The following XDH variants were observed in gnomAD, a reference collection of about 807,000 sequenced individuals.
XDH encodes the protein xanthine dehydrogenase/oxidase.
XDH carries 138 observed loss-of-function variants against 156.1 expected under a neutral mutation model. That is an observed-to-expected ratio of 0.88 (90% CI 0.77 to 1.02). The LOEUF is 1.02. Ranked by LOEUF, XDH falls within the 50% of genes least tolerant of loss-of-function variation. The pLI is 0.00. For missense variants in XDH, 1,849 were observed against 1,684.9 expected (o/e 1.10, Z -1.71); for synonymous variants, 669 against 625.7 (o/e 1.07, Z -1.03).
intron 29 of XDH, among the ~76,000 whole-genome samples, chr2:31,347,070 C>T (rs1394412095): frequency 6.6e-6 from 1 of 152,168 alleles, no homozygotes; most frequent in Non-Finnish European, 1.5e-5. Flanking sequence ...CTTCCTGACT[C>T]AATTCTTAGG....
chr2:31,401,897 C>T (rs903098345), intron 3 of XDH, among the ~76,000 whole-genome samples: 3 of 152,192 alleles, frequency 2.0e-5, no homozygotes. Flanking sequence ...TTATTGAGTG[C>T]CAGACATAAG....
chr2:31,377,193 A>G lies in XDH; in HGVS notation c.1287T>C (p.Asp429=). ...TGCCACTGGTTACCTTGGCAATGTC[A>G]TCTTCTCTCCGGGAGGCCTGCTTGA... ...SAFKQASRRE[D]DIAKVTSGMR... is the part of the protein sequence containing the mutation. Residue 429 remains aspartate, a synonymous_variant, in exon 14 of 36, where the codon GAT becomes GAC. Coordinates refer to ENST00000379416, the MANE Select transcript of XDH (RefSeq NM_000379.4). 1.2e-6 allele frequency: 2 copies of G among 1,614,130 alleles called. No individual in the cohort carries two copies. The highest frequency in any genetic ancestry group is 1.7e-6 in the Non-Finnish European group (2 of 1,180,026).
At chr2:31,392,427 A>G (rs965344037) in intron 6 of XDH, among the ~76,000 whole-genome samples, 43 of 149,998 alleles carry the variant, frequency 2.9e-4, no homozygotes, top group Non-Finnish European at 1.3e-4. Flanking sequence ...TTATTTATTT[A>G]TTTATTTATT....
chr2:31,354,615 A>G (rs1685577467), intron 24 of XDH, among the ~76,000 whole-genome samples: 1 of 152,242 alleles, frequency 6.6e-6, no homozygotes. Flanking sequence ...TGGGCCTTTC[A>G]GAATTGAAAA....
At chr2:31,370,208 G>T in intron 18 of XDH, 147 bp downstream of exon 18, 1 of 901,688 alleles carries the variant, frequency 1.1e-6, no homozygotes, top group Admixed American at 2.4e-5. Context: ...TATCTTTTTG[G>T]ATTGTCCTGA....
chr2:31,339,338 G>A (rs1048383680), intron 34 of XDH, 151 bp downstream of exon 34: 3 of 1,070,542 alleles, frequency 2.8e-6, no homozygotes. Flanking sequence ...CTATCCCACT[G>A]CCCCTACCAA....
chr2:31,356,523 C>CAA (rs1170618949), intron 24 of XDH, among the ~76,000 whole-genome samples: 2 of 152,078 alleles, frequency 1.3e-5, no homozygotes, highest in Non-Finnish European at 2.9e-5. Context: ...GATGGGAAGA[C>CAA]AAAGACAGAG....
Position 31,414,693 on chromosome 2 carries a change from C to T in XDH, c.-27G>A, listed in dbSNP as rs764028057. 1.2e-6 allele frequency: 2 copies of T among 1,613,918 alleles called. No individual in the cohort carries two copies. The highest frequency in any genetic ancestry group is 1.7e-6 in the Non-Finnish European group (2 of 1,179,960). On this transcript the variant is annotated 5_prime_UTR_variant, in exon 1 of 36. Transcript: ENST00000379416. ...GTCACAGGTTGGGGTCCCCGAACTCCAGGTACCTCACTCCTAAGAGACACT... is the reference window on the plus strand; with the variant it reads ...GTCACAGGTTGGGGTCCCCGAACTCTAGGTACCTCACTCCTAAGAGACACT...
intron 1 of XDH, among the ~76,000 whole-genome samples, chr2:31,413,954 G>A (rs961618952): frequency 1.1e-4 from 16 of 152,034 alleles, no homozygotes; most frequent in Non-Finnish European, 2.1e-4. Context: ...CCTTCCCTAA[G>A]TCCCTGTGTA....
chr2:31,395,085 C>T (rs544866263), intron 6 of XDH, among the ~76,000 whole-genome samples: 7 of 151,248 alleles, frequency 4.6e-5, no homozygotes, highest in Non-Finnish European at 1.0e-4. Flanking sequence ...TTGACTATGC[C>T]TTATAATTTT....
At chr2:31,341,463 A>C in intron 32 of XDH, 69 bp from the exon 33 acceptor site, 3 of 1,483,418 alleles carry the variant, frequency 2.0e-6, no homozygotes, top group Admixed American at 2.0e-5. Context: ...CAGATGACTC[A>C]TAGTGACCCT....
At position 31,387,916 on chromosome 2, in the gene XDH, G is replaced by A. The variant is rs1023405648; in HGVS notation, c.565-19C>T. On this transcript the variant is annotated intron_variant, in intron 7 of 35. Coordinates refer to ENST00000379416, the MANE Select transcript of XDH (RefSeq NM_000379.4). ...GGCTGACCTATGGGGAAAGAGAACAGGTAGGTGATGCAGTATCTCCTCCTT... is the reference window on the plus strand; with the variant it reads ...GGCTGACCTATGGGGAAAGAGAACAAGTAGGTGATGCAGTATCTCCTCCTT... The A allele has an allele frequency of 1.3e-6, 2 of 1,563,772 alleles. No homozygotes were observed. Among genetic ancestry groups the A allele is most frequent in the Non-Finnish European group, 1.7e-6 (2 of 1,153,756 alleles).
rs145413551 is a variant in XDH at position 31,397,700 on chromosome 2, G to A, written c.463C>T (p.Pro155Ser). 6 of 1,614,220 alleles carry A rather than the reference G, an allele frequency of 3.7e-6. No individual in the cohort carries two copies. The change falls in exon 6 of 36, where the codon CCC (proline) becomes TCC (serine). Residue 155 changes from proline (P) to serine (S), a missense_variant. Transcript: ENST00000379416. ...GNLCRCTGYR[P>S]ILQGFRTFAR... Reference sequence around the variant, plus strand: ...AAGGTCCGGAAGCCCTGGAGGATGGGTCTGTAGCCTGTGCAGCGGCACAGA... The same window carrying A: ...AAGGTCCGGAAGCCCTGGAGGATGGATCTGTAGCCTGTGCAGCGGCACAGA...
intron 32 of XDH, among the ~76,000 whole-genome samples, 157 bp downstream of exon 32, chr2:31,342,026 C>T (rs1408454780): frequency 6.6e-6 from 1 of 152,160 alleles, no homozygotes; most frequent in Non-Finnish European, 1.5e-5. Flanking sequence ...AAGTCTAAAA[C>T]ACTTACTCTG....
intron 9 of XDH, among the ~76,000 whole-genome samples, chr2:31,385,741 C>T (rs143505897): frequency 4.6e-5 from 7 of 152,322 alleles, no homozygotes; most frequent in African/African-American, 1.2e-4. Flanking sequence ...TCAACTATTC[C>T]AGGCCTCACG....
chr2:31,387,359 T>C (rs536084377), intron 8 of XDH, among the ~76,000 whole-genome samples: 21 of 152,214 alleles, frequency 1.4e-4, no homozygotes, highest in Non-Finnish European at 2.4e-4. Context: ...AGCTGTGAGC[T>C]GCAGATCATG....
intron 17 of XDH, among the ~76,000 whole-genome samples, chr2:31,370,857 G>A (rs889767885): frequency 6.6e-6 from 1 of 152,154 alleles, no homozygotes; most frequent in African/African-American, 2.4e-5. Flanking sequence ...ATAAAGTGAA[G>A]AAGGCAGGCC....
At chr2:31,387,461 T>C (rs1251184216) in intron 8 of XDH, among the ~76,000 whole-genome samples, 1 of 152,166 alleles carries the variant, frequency 6.6e-6, no homozygotes, top group Non-Finnish European at 1.5e-5. Context: ...TTGGAGTGCT[T>C]ATGTATTAGA....
At chr2:31,405,356 C>A (rs184069352) in intron 2 of XDH, among the ~76,000 whole-genome samples, 60 of 152,238 alleles carry the variant, frequency 3.9e-4, no homozygotes, top group African/African-American at 1.4e-3. Context: ...AGAAGCCCCA[C>A]CCACACTGAG....
Sources: allele counts gnomAD v4.1 joint callset (sites outside exome capture counted in the v4.1 genomes callset), GRCh38; gene constraint gnomAD v4.1.1; transcripts MANE v1.5; gene names NCBI Gene and HGNC (gene_info 2026-07-23, HGNC 2026-07-21).